KANK1: variants seen among roughly 807,000 people sequenced by gnomAD.
KANK1 encodes KN motif and ankyrin repeat domains 1.
KANK1 carries 109 observed loss-of-function variants against 106.2 expected under a neutral mutation model. The ratio of observed to expected loss-of-function variants is 1.03; its 90% CI spans 0.88 to 1.20. KANK1 has a LOEUF of 1.20. KANK1 is among the 50% of genes most tolerant of loss of function. The pLI, the probability that KANK1 is intolerant of heterozygous loss-of-function variation, is 0.00. For synonymous variants in KANK1, 873 were observed against 652.2 expected, an observed-to-expected ratio of 1.34 and a Z score of -5.16; for missense variants, 2,399 against 1,710.7, an observed-to-expected ratio of 1.40 and a Z score of -7.10.
chr9:580,054 G>A (rs1039522981), intron 1 of KANK1, among the ~76,000 whole-genome samples: 5 of 152,146 alleles, frequency 3.3e-5, no homozygotes, highest in Non-Finnish European at 7.3e-5. Context: ...TCTTAAAGAT[G>A]GTGTGTCCGA....
intron 1 of KANK1, among the ~76,000 whole-genome samples, 172 bp downstream of exon 1, chr9:504,926 C>T (rs1273962770): frequency 2.7e-5 from 4 of 150,464 alleles, no homozygotes; most frequent in Non-Finnish European, 5.9e-5. Context: ...GGCTCCCGCT[C>T]GTGCGGGTGA....
intron 1 of KANK1, among the ~76,000 whole-genome samples, chr9:542,880 CAG>C (rs1474278158): frequency 2.6e-5 from 4 of 152,102 alleles, no homozygotes; most frequent in Non-Finnish European, 5.9e-5. Context: ...TGGTGGTTGT[CAG>C]GGGCTGGGAG....
At chr9:617,634 T>G (rs1359056317) in intron 1 of KANK1, among the ~76,000 whole-genome samples, 1 of 152,076 alleles carries the variant, frequency 6.6e-6, no homozygotes, top group Non-Finnish European at 1.5e-5. Flanking sequence ...GGCACACCAA[T>G]ATGGGTGGGC....
At position 522,620 on chromosome 9, in the gene KANK1, A is replaced by G. The variant is rs371046348; in HGVS notation, c.-84+17866A>G. On this transcript the variant is annotated intron_variant, in intron 1 of 11. Transcript: ENST00000382297. ...GGACCCACAGTGGGGTTGAACTGGC[A>G]GAAGGCAAAGACCATAATGGTTACT... Among the ~76,000 whole-genome samples, 5 of 151,828 alleles carry G rather than the reference A, an allele frequency of 3.3e-5. 1 individual carries two copies. The East Asian group carries it at 9.6e-4, about 29-fold the overall frequency.
At chr9:674,245 T>G (rs1815895529) in intron 1 of KANK1, 1 of 152,116 alleles carries the variant, frequency 6.6e-6, no homozygotes, top group South Asian at 2.1e-4. Flanking sequence ...CATCCTATCC[T>G]TCTGGTGTGT....
chr9:731,423 T>G, intron 5 of KANK1, 157 bp downstream of exon 5: 1 of 526,986 alleles, frequency 1.9e-6, no homozygotes, highest in Non-Finnish European at 3.5e-6. Context: ...GGGCTTTGCT[T>G]TCCTCCTCTG....
At chr9:744,713 G>A in intron 11 of KANK1, 124 bp downstream of exon 11, 8 of 1,573,960 alleles carry the variant, frequency 5.1e-6, no homozygotes, top group Non-Finnish European at 6.9e-6. Context: ...GTTTTAGTCT[G>A]GAGCTTAAGA....
chr9:624,013 G>A (rs900124669), intron 1 of KANK1, among the ~76,000 whole-genome samples: 1 of 152,152 alleles, frequency 6.6e-6, no homozygotes. Flanking sequence ...TAAAGAAAAT[G>A]TGGTATATAT....
chr9:562,328 A>G (rs2134440874), intron 1 of KANK1, among the ~76,000 whole-genome samples: 2 of 152,218 alleles, frequency 1.3e-5, no homozygotes, highest in South Asian at 4.2e-4. Flanking sequence ...CTGGGATTAC[A>G]GGCGTGAGCC....
rs2058330392 is a variant in KANK1 at position 488,560 on chromosome 9, C to G, written c.-362+15287C>G. Among the ~76,000 whole-genome samples, 7 of 152,298 alleles carry G rather than the reference C, an allele frequency of 4.6e-5. No individual in the cohort carries two copies. In the South Asian group the frequency reaches 1.5e-3, roughly 32 times the overall value. On this transcript the variant is annotated intron_variant, in intron 3 of 15. Coordinates refer to the KANK1 transcript ENST00000382303. ...GAACACATCAACTAATCTCAATTAC[C>G]TCAACTGCAAAGGAGCAGTTCTGAT...
At chr9:615,274 T>G (rs1383715944) in intron 1 of KANK1, among the ~76,000 whole-genome samples, 1 of 152,218 alleles carries the variant, frequency 6.6e-6, no homozygotes, top group Non-Finnish European at 1.5e-5. Context: ...TATAAATATA[T>G]TTTATTGCAT....
intron 1 of KANK1, among the ~76,000 whole-genome samples, chr9:640,649 G>A (rs1838211399): frequency 6.6e-6 from 1 of 151,566 alleles, no homozygotes; most frequent in African/African-American, 2.4e-5. Context: ...CACCTGCCTC[G>A]GCCTCCCCAA....
intron 3 of KANK1, among the ~76,000 whole-genome samples, chr9:491,287 T>TTTTTG (rs1489133695): frequency 6.9e-4 from 104 of 150,112 alleles, no homozygotes; most frequent in African/African-American, 2.4e-3. Flanking sequence ...TTTTTTTTTT[T>TTTTTG]AGACAGAGTC....
chr9:734,893 T>A (rs542797207), intron 7 of KANK1, 58 bp downstream of exon 7: 4 of 1,262,722 alleles, frequency 3.2e-6, no homozygotes, highest in Non-Finnish European at 4.6e-6. Flanking sequence ...AGTGGGTTCA[T>A]TGTCAAGGCC....
chr9:545,837 A>G (rs1334011212), intron 1 of KANK1, among the ~76,000 whole-genome samples: 1 of 145,612 alleles, frequency 6.9e-6, no homozygotes, highest in Non-Finnish European at 1.5e-5. Context: ...CCTCTGCCTC[A>G]CGGGTTCAGG....
At chr9:740,426 T>G (rs2132168234) in intron 8 of KANK1, among the ~76,000 whole-genome samples, 1 of 152,316 alleles carries the variant, frequency 6.6e-6, no homozygotes, top group African/African-American at 2.4e-5. Flanking sequence ...GCTCACTACC[T>G]GCTTCACTTT....
rs1844789290 is a variant in KANK1, at chr9:667,032, T to G, written c.-83-9858T>G. Among the ~76,000 whole-genome samples, 2 of 150,416 alleles carry G rather than the reference T, an allele frequency of 1.3e-5. 1 individual carries two copies. The highest frequency in any genetic ancestry group is 4.9e-5 in the African/African-American group (2 of 41,040). On this transcript the variant is annotated intron_variant, in intron 1 of 11. Transcript: ENST00000382297. ...TTTTTTTGAAGACTTTGAGTAGAAT[T>G]ATTATAGTTCTTCTTGAAATGTTTA...
At chr9:590,820 T>C (rs1824685647) in intron 1 of KANK1, among the ~76,000 whole-genome samples, 2 of 151,886 alleles carry the variant, frequency 1.3e-5, no homozygotes, top group Non-Finnish European at 2.9e-5. Flanking sequence ...TTTGGACATA[T>C]GCATTAATGT....
rs374260659 is a variant in KANK1 at position 712,071 on chromosome 9, T to C, written c.1305T>C (p.Asn435=). ...TAGGGACACTTGTTGAGATGAGAAA[T>C]TGTGGGGTCAGCGTGACAGAGGCCA... ...AAVGTLVEMR[N]CGVSVTEAML... is the part of the protein sequence containing the mutation. The change falls in exon 3 of 12, where the codon AAT becomes AAC. Residue 435 remains asparagine, a synonymous_variant. Transcript: ENST00000382297. 1.2e-5 allele frequency: 20 copies of C among 1,614,034 alleles called. No individual in the cohort carries two copies. Among genetic ancestry groups the C allele is most frequent in the Non-Finnish European group, 1.7e-5 (20 of 1,180,004 alleles).
Sources: allele counts gnomAD v4.1 joint callset (sites outside exome capture counted in the v4.1 genomes callset), GRCh38; gene constraint gnomAD v4.1.1; transcripts MANE v1.5; gene names NCBI Gene and HGNC (gene_info 2026-07-23, HGNC 2026-07-21).